IMPG1: variants seen among roughly 807,000 people sequenced by gnomAD.
The protein encoded by IMPG1 is interphotoreceptor matrix proteoglycan of 150 kDa.
In IMPG1, 85 loss-of-function variants were observed where a neutral mutation model predicts 92.0. The ratio of observed to expected loss-of-function variants is 0.92; its 90% CI spans 0.78 to 1.11. IMPG1 has a LOEUF of 1.11. Ranked by LOEUF, IMPG1 falls within the 50% of genes least tolerant of loss-of-function variation. The pLI is 0.00. For synonymous variants in IMPG1, 367 were observed against 334.1 expected, an observed-to-expected ratio of 1.10 and a Z score of -1.08; for missense variants, 1,022 against 956.0, an observed-to-expected ratio of 1.07 and a Z score of -0.91.
rs190472381 is a variant in IMPG1 at position 75,987,893 on chromosome 6, C to T, written c.1291+15025G>A. Among the ~76,000 whole-genome samples, 446 of 152,210 alleles carry T rather than the reference C, an allele frequency of 2.9e-3. 1 individual carries two copies. Among genetic ancestry groups the T allele is most frequent in the Non-Finnish European group, 4.7e-3 (317 of 68,000 alleles). ...CGATCTCCTGACCTCGTGATCCACC[C>T]ACCTCGGCCTCCCAAAGTGCTGGGA... On this transcript the variant is annotated intron_variant, in intron 12 of 16. Transcript: ENST00000369950.
chr6:75,960,230 T>A (rs1429424128), intron 12 of IMPG1, among the ~76,000 whole-genome samples: 1 of 152,110 alleles, frequency 6.6e-6, no homozygotes, highest in Non-Finnish European at 1.5e-5. Flanking sequence ...GTGAGATGAG[T>A]TGGGTACCTC....
chr6:76,035,556 T>C (rs1194412663), intron 2 of IMPG1, among the ~76,000 whole-genome samples: 2 of 149,478 alleles, frequency 1.3e-5, no homozygotes, highest in African/African-American at 2.5e-5. Flanking sequence ...ACAGATTGTG[T>C]AGGGTTTTGC....
At chr6:76,050,440 C>CA (rs200898796) in intron 1 of IMPG1, among the ~76,000 whole-genome samples, 64 of 149,294 alleles carry the variant, frequency 4.3e-4, no homozygotes, top group Middle Eastern at 3.4e-3. Flanking sequence ...GAGACTCCTT[C>CA]AAAAAAAAAA....
chr6:76,051,405 T>C (rs1017116806), intron 1 of IMPG1, among the ~76,000 whole-genome samples: 2 of 152,204 alleles, frequency 1.3e-5, no homozygotes, highest in Non-Finnish European at 2.9e-5. Context: ...CATACTGTTT[T>C]CTAGGCAATA....
In IMPG1 at chr6:76,072,491, T is replaced by C; in HGVS notation, c.-3A>G. On this transcript the variant is annotated 5_prime_UTR_variant, in exon 1 of 17. Transcript: ENST00000369950. ...GCTCTTCTAGTTTCCAAATACATTC[T>C]GGCTTTTGTGCATTGGTAATTCTGA... 2 of 1,582,374 alleles carry C rather than the reference T, an allele frequency of 1.3e-6. No individual in the cohort carries two copies. Among genetic ancestry groups the C allele is most frequent in the Non-Finnish European group, 1.7e-6 (2 of 1,158,170 alleles).
At chr6:75,925,417 TTTTC>T (rs1781533776) in intron 15 of IMPG1, among the ~76,000 whole-genome samples, 1 of 152,288 alleles carries the variant, frequency 6.6e-6, no homozygotes, top group Admixed American at 6.5e-5. Flanking sequence ...TATTCAACTT[TTTTC>T]TTTCTCTCAA....
At chr6:75,966,592 CT>C (rs1782311530) in intron 12 of IMPG1, among the ~76,000 whole-genome samples, 1 of 152,076 alleles carries the variant, frequency 6.6e-6, no homozygotes, top group Admixed American at 6.5e-5. Context: ...CATTTATTTT[CT>C]TTATAAATTA....
At chr6:75,926,382 T>C (rs931583652) in intron 15 of IMPG1, among the ~76,000 whole-genome samples, 2 of 152,162 alleles carry the variant, frequency 1.3e-5, no homozygotes, top group Non-Finnish European at 2.9e-5. Context: ...TGGTAACAAC[T>C]ATCCAGAGGG....
chr6:76,018,310 T>C (rs539607029), intron 7 of IMPG1, among the ~76,000 whole-genome samples: 1 of 152,306 alleles, frequency 6.6e-6, no homozygotes, highest in East Asian at 1.9e-4. Context: ...GAATGTGGTC[T>C]CTCTCTCTCA....
At chr6:75,956,499 T>C (rs925562755) in intron 12 of IMPG1, among the ~76,000 whole-genome samples, 3 of 152,332 alleles carry the variant, frequency 2.0e-5, no homozygotes, top group South Asian at 2.1e-4. Flanking sequence ...TCTTCTTTAG[T>C]AGTCTGGTTA....
chr6:76,030,998 G>A (rs1201559606), intron 4 of IMPG1, among the ~76,000 whole-genome samples: 1 of 152,092 alleles, frequency 6.6e-6, no homozygotes, highest in African/African-American at 2.4e-5. Context: ...GTGGCAAGCA[G>A]TCTAGTTAGG....
At chr6:75,996,854 G>A (rs1465012410) in intron 12 of IMPG1, among the ~76,000 whole-genome samples, 1 of 152,110 alleles carries the variant, frequency 6.6e-6, no homozygotes, top group African/African-American at 2.4e-5. Context: ...GAATAATTAT[G>A]GAAATCTAGA....
At chr6:76,018,488 G>T (rs1783335394) in intron 7 of IMPG1, among the ~76,000 whole-genome samples, 8 of 152,242 alleles carry the variant, frequency 5.3e-5, no homozygotes, top group Admixed American at 5.2e-4. Context: ...AGAGGGGGCA[G>T]GTGGGGACCA....
intron 8 of IMPG1, among the ~76,000 whole-genome samples, chr6:76,009,761 C>T (rs1018960486): frequency 1.1e-4 from 16 of 152,198 alleles, no homozygotes; most frequent in African/African-American, 3.9e-4. Context: ...ATTTCATCAT[C>T]TAACATTTTG....
Position 75,921,733 on chromosome 6 carries a change from G to A in IMPG1, c.*356C>T, listed in dbSNP as rs1781433530. The A allele has an allele frequency of 4.4e-6, 1 of 229,470 alleles. No homozygotes were observed. Among genetic ancestry groups the A allele is most frequent in the Non-Finnish European group, 8.5e-6 (1 of 117,084 alleles). The allele number at this position is 229,470 out of a possible 1,614,324, so 14.2% of individuals were successfully genotyped here. A position where few individuals can be genotyped will look rare whatever the true frequency, so the allele number is the denominator to read the frequency against. ...AGTTTGCTTCCCAATAAATTGTTCA[G>A]TCCCTAAACAATAAGTAAGCTATGC... On this transcript the variant is annotated 3_prime_UTR_variant, in exon 17 of 17. Transcript: ENST00000369950.
intron 1 of IMPG1, among the ~76,000 whole-genome samples, chr6:76,065,701 G>A (rs188144749): frequency 6.1e-4 from 93 of 152,040 alleles, no homozygotes; most frequent in Non-Finnish European, 1.1e-3. Flanking sequence ...TAGAAATTTA[G>A]ACATCCAGTT....
At chr6:75,973,500 G>C (rs1463556232) in intron 12 of IMPG1, among the ~76,000 whole-genome samples, 1 of 151,918 alleles carries the variant, frequency 6.6e-6, no homozygotes, top group Admixed American at 6.6e-5. Flanking sequence ...TGAGTACTTG[G>C]TACATGCTAG....
chr6:75,950,451 G>T, intron 13 of IMPG1, 111 bp downstream of exon 13: 2 of 941,786 alleles, frequency 2.1e-6, no homozygotes, highest in Non-Finnish European at 3.1e-6. Flanking sequence ...CTGGCTTGGC[G>T]GTTTGTTTCT....
intron 15 of IMPG1, among the ~76,000 whole-genome samples, chr6:75,929,037 T>C (rs1167496509): frequency 2.6e-5 from 4 of 152,248 alleles, no homozygotes; most frequent in Non-Finnish European, 5.9e-5. Context: ...GCTATACAAT[T>C]GTTTCATGAC....
Sources: allele counts gnomAD v4.1 joint callset (sites outside exome capture counted in the v4.1 genomes callset), GRCh38; gene constraint gnomAD v4.1.1; transcripts MANE v1.5; gene names NCBI Gene and HGNC (gene_info 2026-07-23, HGNC 2026-07-21).